The following SUGCT variants were observed in gnomAD, a reference collection of about 807,000 sequenced individuals.
SUGCT encodes the protein succinyl-CoA:glutarate CoA-transferase.
In SUGCT, 41 loss-of-function variants were observed where a neutral mutation model predicts 55.0. The observed-to-expected ratio is 0.74, with a 90% CI of 0.58 to 0.97. The LOEUF is 0.97. SUGCT is among the 50% of genes least tolerant of loss of function. The pLI is 0.00. For missense variants in SUGCT, 568 were observed against 547.8 expected (o/e 1.04, Z -0.37); for synonymous variants, 187 against 200.4 (o/e 0.93, Z 0.56).
intron 12 of SUGCT, among the ~76,000 whole-genome samples, chr7:40,580,863 GC>G (rs1434520068): frequency 6.6e-6 from 1 of 152,106 alleles, no homozygotes; most frequent in African/African-American, 2.4e-5. Context: ...CTAAGAACAG[GC>G]TATACCATAT....
chr7:40,803,668 A>G (rs745600039), intron 13 of SUGCT, among the ~76,000 whole-genome samples: 1 of 152,210 alleles, frequency 6.6e-6, no homozygotes, highest in Non-Finnish European at 1.5e-5. Flanking sequence ...TAATTTTACC[A>G]GTGATTAAAA....
At chr7:40,306,193 C>T (rs762615409) in intron 8 of SUGCT, among the ~76,000 whole-genome samples, 1 of 152,138 alleles carries the variant, frequency 6.6e-6, no homozygotes, top group African/African-American at 2.4e-5. Flanking sequence ...ATCTCCTGGT[C>T]ATTAAATTTA....
chr7:40,162,274 C>T (rs943836306), intron 1 of SUGCT, among the ~76,000 whole-genome samples: 7 of 152,024 alleles, frequency 4.6e-5, no homozygotes, highest in South Asian at 2.1e-4. Context: ...AAGTTGTCAT[C>T]GCTTATGTAA....
chr7:40,699,648 C>T (rs1785089894), intron 12 of SUGCT, among the ~76,000 whole-genome samples: 1 of 152,106 alleles, frequency 6.6e-6, no homozygotes, highest in Non-Finnish European at 1.5e-5. Context: ...GTGGGCGGAT[C>T]GCTTGAGGCC....
intron 7 of SUGCT, among the ~76,000 whole-genome samples, chr7:40,245,124 G>A (rs1388529409): frequency 2.0e-5 from 3 of 151,184 alleles, no homozygotes; most frequent in African/African-American, 7.3e-5. Flanking sequence ...GCATGATCTC[G>A]GCTCACTGCA....
chr7:40,971,049 C>T, the SUGCT span, among the ~76,000 whole-genome samples: 99,778 of 151,844 alleles, frequency 0.66, 33,439 homozygotes, highest in South Asian at 0.84. Context: ...TTTATTTTTT[C>T]AAAACAGAGG....
intron 1 of SUGCT, among the ~76,000 whole-genome samples, chr7:40,162,362 G>T (rs1452583866): frequency 6.6e-6 from 1 of 152,182 alleles, no homozygotes; most frequent in Non-Finnish European, 1.5e-5. Flanking sequence ...TGTAGGAGAA[G>T]GCTTATTGTG....
At chr7:40,242,922 TATATATA>T (rs1562604966) in intron 7 of SUGCT, among the ~76,000 whole-genome samples, 20 of 29,226 alleles carry the variant, frequency 6.8e-4, no homozygotes, top group Non-Finnish European at 1.2e-3. Flanking sequence ...TATATATATA[TATATATA>T]TATATTTTTT....
intron 12 of SUGCT, among the ~76,000 whole-genome samples, chr7:40,557,496 G>T (rs1795610259): frequency 6.6e-6 from 1 of 152,200 alleles, no homozygotes; most frequent in Non-Finnish European, 1.5e-5. Flanking sequence ...ATCGAGGCCA[G>T]GCGTGGTGGC....
chr7:40,460,633 T>A (rs1050624743), intron 11 of SUGCT, among the ~76,000 whole-genome samples: 1 of 152,236 alleles, frequency 6.6e-6, no homozygotes, highest in South Asian at 2.1e-4. Context: ...AAAAATATGA[T>A]ACCTAGATTG....
At chr7:40,845,479 T>G (rs1296448618) in intron 13 of SUGCT, among the ~76,000 whole-genome samples, 2 of 152,136 alleles carry the variant, frequency 1.3e-5, no homozygotes, top group East Asian at 3.9e-4. Flanking sequence ...TGCACAGTGC[T>G]TTGAACCAAG....
intron 13 of SUGCT, among the ~76,000 whole-genome samples, chr7:40,828,981 G>A (rs1281506613): frequency 6.6e-6 from 1 of 152,102 alleles, no homozygotes; most frequent in Non-Finnish European, 1.5e-5. Context: ...TCCGAGCACC[G>A]ATCATGACCC....
intron 12 of SUGCT, among the ~76,000 whole-genome samples, chr7:40,611,822 TAGAC>T (rs1163418322): frequency 9.9e-5 from 15 of 152,178 alleles, no homozygotes; most frequent in African/African-American, 4.8e-5. Context: ...AACTGAGACA[TAGAC>T]AGGTTAAAGA....
chr7:40,412,421 A>G (rs1317027704), intron 9 of SUGCT, among the ~76,000 whole-genome samples: 1 of 152,186 alleles, frequency 6.6e-6, no homozygotes. Context: ...TGCTAGGAGG[A>G]ATTATGGTTT....
At chr7:40,320,332 C>G (rs965233478) in intron 9 of SUGCT, among the ~76,000 whole-genome samples, 2 of 152,068 alleles carry the variant, frequency 1.3e-5, no homozygotes, top group African/African-American at 4.8e-5. Context: ...TCTCGAATGC[C>G]TGACCTCAAG....
downstream of SUGCT, among the ~76,000 whole-genome samples, chr7:40,861,093 T>C (rs1794476455): frequency 6.6e-6 from 1 of 152,238 alleles, no homozygotes; most frequent in African/African-American, 2.4e-5. Flanking sequence ...ATTTGCTTTA[T>C]GTTGTATTTC....
chr7:40,691,823 A>G (rs555155694), intron 12 of SUGCT, among the ~76,000 whole-genome samples: 24 of 152,272 alleles, frequency 1.6e-4, no homozygotes, highest in Non-Finnish European at 2.4e-4. Context: ...GAGGAATGGC[A>G]TGGAGTTTGG....
the SUGCT span, among the ~76,000 whole-genome samples, chr7:40,916,510 A>G: frequency 6.6e-6 from 1 of 152,174 alleles, no homozygotes; most frequent in Non-Finnish European, 1.5e-5. Flanking sequence ...TTGAGAATGA[A>G]GCCAATACAG....
rs140343576 is a variant in SUGCT, at chr7:40,343,927, A to G, written c.816+27072A>G. 3.6e-3 allele frequency among the ~76,000 whole-genome samples: 546 copies of G among 152,272 alleles called. 3 individuals carry two copies. The highest frequency in any genetic ancestry group is 0.012 in the African/African-American group (515 of 41,552). On this transcript the variant is annotated intron_variant, in intron 9 of 13. Transcript: ENST00000335693. ...CGCCTCGGCCTCCCAAAGTGCTGGG[A>G]TTACAGGCGTGAGTCACCATATTAG...
Sources: gnomAD v4.1 joint callset for allele counts (sites outside exome capture counted in the v4.1 genomes callset) on GRCh38, gnomAD v4.1.1 for gene constraint, MANE v1.5 for transcripts, NCBI Gene and HGNC (gene_info 2026-07-23, HGNC 2026-07-21) for gene names.